Variants in MARCHF1 observed in about 807,000 individuals in gnomAD.
The protein encoded by MARCHF1 is membrane associated ring-CH-type finger 1.
In MARCHF1, 40 loss-of-function variants were observed where a neutral mutation model predicts 54.2. The observed-to-expected ratio is 0.74, with a 90% CI of 0.57 to 0.96. MARCHF1 has a LOEUF of 0.96. Ranked by LOEUF, MARCHF1 falls within the 40% of genes least tolerant of loss-of-function variation. The probability of loss-of-function intolerance (pLI) is 0.00; values close to 1 mark genes in which losing one functional copy is unlikely to be tolerated. For missense variants in MARCHF1, 586 were observed against 656.5 expected (o/e 0.89, Z 1.17); for synonymous variants, 236 against 236.3 (o/e 1.00, Z 0.01).
At chr4:164,147,599 AC>A (rs1206132679) in intron 1 of MARCHF1, among the ~76,000 whole-genome samples, 1 of 143,542 alleles carries the variant, frequency 7.0e-6, no homozygotes, top group East Asian at 2.0e-4. Flanking sequence ...GCATATTCTC[AC>A]TCATAGGTGG....
chr4:164,325,082 T>C (rs1735237964), intron 1 of MARCHF1, among the ~76,000 whole-genome samples: 1 of 151,960 alleles, frequency 6.6e-6, no homozygotes, highest in Non-Finnish European at 1.5e-5. Context: ...ATCGATATTT[T>C]ATTAGCATAG....
At chr4:164,264,040 T>C (rs1196747249) in intron 1 of MARCHF1, among the ~76,000 whole-genome samples, 5 of 152,174 alleles carry the variant, frequency 3.3e-5, no homozygotes, top group Non-Finnish European at 7.3e-5. Context: ...GACACATGCA[T>C]ACAAATGTTC....
chr4:163,527,273 ATTAC>A lies in MARCHF1; in HGVS notation c.*1471_*1474del, dbSNP rs1219697096. 6.6e-6 allele frequency: 1 copy of A among 151,902 alleles called. No individual in the cohort carries two copies. The highest frequency in any genetic ancestry group is 6.6e-5 in the Admixed American group (1 of 15,236). 9.4% of individuals were successfully genotyped at this position (151,902 alleles called of 1,614,324 possible). On this transcript the variant is annotated 3_prime_UTR_variant, in exon 10 of 10. Coordinates refer to ENST00000514618, the MANE Select transcript of MARCHF1 (RefSeq NM_001394959.1). ...ATCAACTGTCAAACCTAAACGATTA[ATTAC>A]TTATCACAGAATCTGTTGAATATTT...
intron 1 of MARCHF1, among the ~76,000 whole-genome samples, chr4:164,252,712 T>A (rs1291724267): frequency 6.6e-6 from 1 of 151,986 alleles, no homozygotes; most frequent in Non-Finnish European, 1.5e-5. Flanking sequence ...TCCTCAGAGA[T>A]AAGAGGAAAA....
At chr4:164,039,902 A>G (rs1482673885) in intron 2 of MARCHF1, among the ~76,000 whole-genome samples, 1 of 150,846 alleles carries the variant, frequency 6.6e-6, no homozygotes, top group African/African-American at 2.4e-5. Context: ...TACAGAAACA[A>G]CAAAGTAAAA....
intron 1 of MARCHF1, among the ~76,000 whole-genome samples, chr4:164,142,789 T>G (rs1046381218): frequency 1.3e-5 from 2 of 152,128 alleles, no homozygotes; most frequent in Admixed American, 6.5e-5. Context: ...AGGAACGCAG[T>G]TCCTCACCAG....
At chr4:163,635,564 T>G (rs1368744499) in intron 5 of MARCHF1, among the ~76,000 whole-genome samples, 2 of 147,822 alleles carry the variant, frequency 1.4e-5, no homozygotes, top group Non-Finnish European at 3.0e-5. Flanking sequence ...AATCTCCGAA[T>G]AGACCAATAA....
intron 3 of MARCHF1, among the ~76,000 whole-genome samples, chr4:163,922,981 G>A (rs1344472990): frequency 1.3e-5 from 2 of 152,020 alleles, no homozygotes; most frequent in Non-Finnish European, 2.9e-5. Flanking sequence ...TAGAGATAGA[G>A]AAAAAATTGT....
chr4:164,251,233 A>C (rs919370761), intron 1 of MARCHF1, among the ~76,000 whole-genome samples: 1 of 152,178 alleles, frequency 6.6e-6, no homozygotes, highest in African/African-American at 2.4e-5. Context: ...TGGCATTAAA[A>C]GTCACTTTTT....
At chr4:163,901,887 C>T (rs543920273) in intron 3 of MARCHF1, among the ~76,000 whole-genome samples, 74 of 152,256 alleles carry the variant, frequency 4.9e-4, no homozygotes, top group South Asian at 3.3e-3. Context: ...GTCTTCCTGT[C>T]TAAAAGCCCT....
chr4:163,859,426 C>G (rs1185019013), intron 3 of MARCHF1, among the ~76,000 whole-genome samples: 2 of 145,670 alleles, frequency 1.4e-5, no homozygotes, highest in East Asian at 4.1e-4. Context: ...ATGGCGTGAT[C>G]TTGGCTCACT....
At chr4:164,357,911 A>G (rs1730608139) in intron 1 of MARCHF1, among the ~76,000 whole-genome samples, 1 of 152,190 alleles carries the variant, frequency 6.6e-6, no homozygotes, top group Non-Finnish European at 1.5e-5. Context: ...TCTAGAAAGA[A>G]ACATCATCAG....
rs563906579 is a variant in MARCHF1, at chr4:163,783,119, T to C, written c.111+70902A>G. ...ACAAAATATAGCTAATATCTATTAGTTATCTGATATATGCCTTCAACCATG... is the reference window on the plus strand; with the variant it reads ...ACAAAATATAGCTAATATCTATTAGCTATCTGATATATGCCTTCAACCATG... On this transcript the variant is annotated intron_variant, in intron 4 of 9. Coordinates refer to ENST00000514618, the MANE Select transcript of MARCHF1 (RefSeq NM_001394959.1). Among the ~76,000 whole-genome samples, 66 of 152,334 alleles carry C rather than the reference T, an allele frequency of 4.3e-4. 2 individuals are homozygous for C. Among genetic ancestry groups the C allele is most frequent in the Non-Finnish European group, 8.7e-4 (59 of 68,030 alleles).
At chr4:163,529,708 C>G (rs182877705) in intron 9 of MARCHF1, 1 of 152,196 alleles carries the variant, frequency 6.6e-6, no homozygotes, top group Admixed American at 6.6e-5. Flanking sequence ...TATATTTTCT[C>G]TTAATTTCCA....
chr4:164,280,607 T>G (rs960112050), intron 1 of MARCHF1, among the ~76,000 whole-genome samples: 1 of 152,108 alleles, frequency 6.6e-6, no homozygotes. Flanking sequence ...CCAAATTTAT[T>G]CCACATGTCA....
At chr4:164,013,280 A>G (rs1753463368) in intron 2 of MARCHF1, among the ~76,000 whole-genome samples, 1 of 152,182 alleles carries the variant, frequency 6.6e-6, no homozygotes. Context: ...GAGTTGCTCA[A>G]CTGCAGCACT....
intron 2 of MARCHF1, among the ~76,000 whole-genome samples, chr4:164,031,652 G>A (rs1287896142): frequency 6.6e-6 from 1 of 152,034 alleles, no homozygotes; most frequent in Non-Finnish European, 1.5e-5. Flanking sequence ...TGCTTATGTT[G>A]AACCAGCCTT....
intron 4 of MARCHF1, among the ~76,000 whole-genome samples, chr4:163,801,236 T>C (rs1748073284): frequency 6.6e-6 from 1 of 152,096 alleles, no homozygotes; most frequent in African/African-American, 2.4e-5. Flanking sequence ...AGCTATTCTT[T>C]TTACCAAGAA....
At chr4:163,606,252 G>A (rs561102123) in intron 7 of MARCHF1, among the ~76,000 whole-genome samples, 8 of 152,080 alleles carry the variant, frequency 5.3e-5, no homozygotes, top group Admixed American at 3.9e-4. Context: ...CTGTAACACC[G>A]AATTCCCATT....
Sources: gnomAD v4.1 joint callset for allele counts (sites outside exome capture counted in the v4.1 genomes callset) on GRCh38, gnomAD v4.1.1 for gene constraint, MANE v1.5 for transcripts, NCBI Gene and HGNC (gene_info 2026-07-23, HGNC 2026-07-21) for gene names.